The following ACOT1 variants were observed in gnomAD, a reference collection of about 807,000 sequenced individuals.
The protein encoded by ACOT1 is acyl-coenzyme A thioesterase 1.
A neutral mutation model predicts 15.7 loss-of-function variants in ACOT1; 8 were observed. The ratio of observed to expected loss-of-function variants is 0.51; its 90% confidence interval spans 0.30 to 0.92. ACOT1 has a LOEUF of 0.92. Ranked by LOEUF, ACOT1 falls within the 40% of genes least tolerant of loss-of-function variation. The pLI is 0.06. For synonymous variants in ACOT1, 67 were observed against 241.2 expected, an observed-to-expected ratio of 0.28 and a Z score of 6.69; for missense variants, 151 against 539.4, an observed-to-expected ratio of 0.28 and a Z score of 7.13.
the ACOT1 span, among the ~76,000 whole-genome samples, chr14:73,517,820 G>C: frequency 2.0e-5 from 3 of 151,920 alleles, no homozygotes; most frequent in Admixed American, 6.6e-5. Context: ...TGGACACGGT[G>C]GCTCACGCCT....
the ACOT1 span, chr14:73,491,040 C>T: frequency 1.3e-6 from 2 of 1,583,896 alleles, no homozygotes; most frequent in East Asian, 2.3e-5. Flanking sequence ...CAGGCCAGTG[C>T]AGGGCCGTTG....
the ACOT1 span, chr14:73,492,674 G>A: frequency 6.2e-7 from 1 of 1,614,030 alleles, no homozygotes; most frequent in Non-Finnish European, 8.5e-7. The surrounding 1 kb of genome is among the most constrained non-coding windows in gnomAD (Gnocchi z 4.9). Context: ...TATGCTTCAG[G>A]ATGGGATAGC....
At chr14:73,494,194 T>G in the ACOT1 span, among the ~76,000 whole-genome samples, 3 of 152,176 alleles carry the variant, frequency 2.0e-5, no homozygotes, top group African/African-American at 7.2e-5. Context: ...AATATTCTCA[T>G]GGTTGGTGGA....
the ACOT1 span, among the ~76,000 whole-genome samples, chr14:73,526,539 A>G: frequency 6.6e-6 from 1 of 152,088 alleles, no homozygotes; most frequent in African/African-American, 2.4e-5. Context: ...ACTTGGGGAA[A>G]GGAGAGGGAA....
chr14:73,528,112 A>C, the ACOT1 span, among the ~76,000 whole-genome samples: 2 of 150,876 alleles, frequency 1.3e-5, no homozygotes, highest in African/African-American at 4.9e-5. Context: ...ATTCTTAAGG[A>C]GGCTATGCGC....
chr14:73,508,101 A>G, the ACOT1 span: 1 of 1,606,778 alleles, frequency 6.2e-7, no homozygotes. Context: ...ATTGCTCCCC[A>G]AAACTGTGTC....
chr14:73,511,525 A>G, the ACOT1 span, among the ~76,000 whole-genome samples: 10 of 80,376 alleles, frequency 1.2e-4, no homozygotes, highest in Middle Eastern at 6.5e-3. Context: ...TCTCAAAAAT[A>G]AATAAATAAA....
the ACOT1 span, among the ~76,000 whole-genome samples, chr14:73,518,641 G>C: frequency 6.6e-6 from 1 of 152,148 alleles, no homozygotes; most frequent in Non-Finnish European, 1.5e-5. Flanking sequence ...AGTGTGGAGT[G>C]GGAGGGTAGA....
the ACOT1 span, chr14:73,514,191 G>C: frequency 6.2e-7 from 1 of 1,614,054 alleles, no homozygotes; most frequent in African/African-American, 1.3e-5. Flanking sequence ...TGGCGGGGGT[G>C]GGCAAAGCAG....
chr14:73,496,633 T>G, the ACOT1 span: 1 of 1,602,646 alleles, frequency 6.2e-7, no homozygotes. Context: ...ATTTCTTGGT[T>G]TCCTTCATTT....
At chr14:73,526,557 C>T in the ACOT1 span, among the ~76,000 whole-genome samples, 1 of 151,886 alleles carries the variant, frequency 6.6e-6, no homozygotes, top group Non-Finnish European at 1.5e-5. Flanking sequence ...GAAGAGTACT[C>T]AAGTTGCAAG....
the ACOT1 span, among the ~76,000 whole-genome samples, chr14:73,511,415 A>T: frequency 6.6e-6 from 1 of 151,838 alleles, no homozygotes; most frequent in Non-Finnish European, 1.5e-5. Flanking sequence ...GCTACTCGGG[A>T]GACTAGGGCA....
chr14:73,491,457 C>T, the ACOT1 span: 1 of 1,425,344 alleles, frequency 7.0e-7, no homozygotes, highest in South Asian at 1.5e-5. Flanking sequence ...GAGACCTCGG[C>T]CCTGCTGTGC....
the ACOT1 span, among the ~76,000 whole-genome samples, chr14:73,511,087 T>C: frequency 1.3e-5 from 2 of 152,188 alleles, no homozygotes; most frequent in African/African-American, 4.8e-5. Flanking sequence ...GAAGTTCAAA[T>C]TCTCAAGTAG....
At chr14:73,512,142 C>T in the ACOT1 span, 7 of 1,614,160 alleles carry the variant, frequency 4.3e-6, no homozygotes, top group Non-Finnish European at 5.9e-6. Context: ...CATGGTGCCA[C>T]TCTATGACTG....
chr14:73,503,440 C>G, the ACOT1 span, among the ~76,000 whole-genome samples: 1 of 152,332 alleles, frequency 6.6e-6, no homozygotes, highest in African/African-American at 2.4e-5. Context: ...CAAACCAGAA[C>G]AGTTGGTCAC....
chr14:73,493,833 G>A, the ACOT1 span, among the ~76,000 whole-genome samples: 27 of 152,290 alleles, frequency 1.8e-4, no homozygotes, highest in African/African-American at 5.1e-4. Context: ...GCGAGACTCC[G>A]TCTCAAAAAC....
chr14:73,491,491 C>T, the ACOT1 span: 1 of 1,505,262 alleles, frequency 6.6e-7, no homozygotes, highest in South Asian at 1.3e-5. Context: ...TAGCGGCCGT[C>T]CAGTCGTCCG....
chr14:73,526,869 A>G, the ACOT1 span, among the ~76,000 whole-genome samples: 1,969 of 152,170 alleles, frequency 0.013, 43 homozygotes, highest in African/African-American at 0.046. Context: ...GACCCAGTGC[A>G]CTGCCATCTG....
Sources: allele counts gnomAD v4.1 joint callset (sites outside exome capture counted in the v4.1 genomes callset), GRCh38; gene constraint gnomAD v4.1.1; non-coding constraint Gnocchi (gnomAD v3.1); transcripts MANE v1.5; gene names NCBI Gene and HGNC (gene_info 2026-07-23, HGNC 2026-07-21).